Variants in ALOX15 observed in about 807,000 individuals in gnomAD.
ALOX15 encodes arachidonate 15-lipoxygenase.
A neutral mutation model predicts 71.7 loss-of-function variants in ALOX15; 68 were observed. The observed-to-expected ratio is 0.95, with a 90% CI of 0.78 to 1.16. The LOEUF (loss-of-function observed/expected upper bound fraction) is 1.16, where lower values mean the gene tolerates loss of function less well. Ranked by LOEUF, ALOX15 falls within the 50% of genes most tolerant of loss-of-function variation. The pLI, the probability that ALOX15 is intolerant of heterozygous loss-of-function variation, is 0.00. For missense variants in ALOX15, 798 were observed against 818.8 expected, an observed-to-expected ratio of 0.97 and a Z score of 0.31; for synonymous variants, 346 against 333.3, an observed-to-expected ratio of 1.04 and a Z score of -0.42.
chr17:4,632,995 G>C lies in ALOX15; in HGVS notation c.1419-13C>G. On this transcript the variant is annotated splice_polypyrimidine_tract_variant and intron_variant, in intron 10 of 13. Transcript: ENST00000293761. ...TCCTTCCACATACCTACCAACCAAC[G>C]GAGCAGGGCCAGGGAGCTGAAGCCA... The C allele has an allele frequency of 6.2e-7, 1 of 1,614,024 alleles. No individual in the cohort carries two copies.
At chr17:4,632,433 G>A in intron 11 of ALOX15, 152 bp from the exon 12 acceptor site, 2 of 696,650 alleles carry the variant, frequency 2.9e-6, no homozygotes, top group Non-Finnish European at 4.9e-6. Context: ...GGTTGGGGTG[G>A]GGGAGTGGGG....
At chr17:4,641,496 G>A in intron 1 of ALOX15, 21 bp downstream of exon 1, 2 of 1,604,876 alleles carry the variant, frequency 1.2e-6, no homozygotes, top group South Asian at 2.2e-5. Flanking sequence ...AGCCCACCCC[G>A]CCCGGCTCTG....
At position 4,631,984 on chromosome 17, in the gene ALOX15, T is replaced by C; in HGVS notation, c.1714A>G (p.Thr572Ala). 1.2e-6 allele frequency: 2 copies of C among 1,614,088 alleles called. No homozygotes were observed. The highest frequency in any genetic ancestry group is 1.3e-5 in the African/African-American group (1 of 75,072). ...AGTGTCGCCATCACTGTCTCCAGCGTTGCATCCTTGGTGGTTGGCGGGGGC... is the reference window on the plus strand; with the variant it reads ...AGTGTCGCCATCACTGTCTCCAGCGCTGCATCCTTGGTGGTTGGCGGGGGC... ...RLPPPTTKDA[T>A]LETVMATLPN... Residue 572 changes from threonine to alanine, a missense_variant, in exon 13 of 14, where the codon ACG (threonine) becomes GCG (alanine). Physicochemically the swap from Thr to Ala is moderately conservative, Grantham distance 58. Around this residue, in one of 3 missense-constraint regions of ALOX15, gnomAD observed 490 missense variants for 509.4 expected, o/e 0.96. Coordinates refer to ENST00000293761, the MANE Select transcript of ALOX15 (RefSeq NM_001140.5).
chr17:4,637,409 T>C (rs1256116811), intron 6 of ALOX15, 151 bp from the exon 7 acceptor site: 24 of 504,994 alleles, frequency 4.8e-5, no homozygotes, highest in Middle Eastern at 7.4e-4. Context: ...CCTCATATCA[T>C]TTTTTTTTTT....
chr17:4,635,488 T>A (rs1482760764), intron 8 of ALOX15, among the ~76,000 whole-genome samples: 3 of 152,064 alleles, frequency 2.0e-5, no homozygotes, highest in Non-Finnish European at 4.4e-5. Flanking sequence ...TTTCACGGGT[T>A]CCTCTTGTTG....
Position 4,641,581 on chromosome 17 carries a change from A to G in ALOX15, c.71T>C (p.Leu24Pro). The change falls in exon 1 of 14, where the codon CTG becomes CCG. Residue 24 changes from leucine (L) to proline (P), a missense_variant. By Grantham distance (98) the Leu-to-Pro change is moderately conservative. Transcript: ENST00000293761. ...CTCCCCGTGCTGGCCGACCAGCCAC[A>G]GCTGCACCTGGTTGTTGGAACCGGC... is the stretch of plus-strand genomic sequence containing the variant. ...LYAGSNNQVQ[L>P]WLVGQHGEAA... The G allele has an allele frequency of 6.2e-7, 1 of 1,613,822 alleles. No homozygotes were observed. The highest frequency in any genetic ancestry group is 8.5e-7 in the Non-Finnish European group (1 of 1,180,030).
At position 4,633,165 on chromosome 17, in the gene ALOX15, G is replaced by A. The variant is rs765538077; in HGVS notation, c.1399C>T (p.Leu467Phe). 1.9e-5 allele frequency: 30 copies of A among 1,613,936 alleles called. No homozygotes were observed. The highest frequency in any genetic ancestry group is 2.5e-5 in the Non-Finnish European group (29 of 1,179,992). Residue 467 changes from leucine (L) to phenylalanine (F), a missense_variant, in exon 10 of 14, where the codon CTC (leucine) becomes TTC (phenylalanine). Physicochemically the swap from Leu to Phe is conservative, Grantham distance 22. Around this residue, in one of 3 missense-constraint regions of ALOX15, gnomAD observed 490 missense variants for 509.4 expected, o/e 0.96. Coordinates refer to ENST00000293761, the MANE Select transcript of ALOX15 (RefSeq NM_001140.5). ...CCTCACCGATAGATGATTTCCCAGA[G>A]CCGCAGCGCATCTTGGGCATAGAAG... ...SSFYAQDALR[L>F]WEIIYRYVEG...
In ALOX15 at chr17:4,637,229, G is replaced by T. The variant is rs112340214; in HGVS notation, c.837C>A (p.Ser279=). The part of the protein sequence containing the change: ...EGGTLFEADF[S]LLDGIKANVI... ...CGTTGGCCTTGATCCCATCCAGCAG[G>T]GAGAAGTCAGCTTCGAACAGTGTGC... The change falls in exon 7 of 14, where the codon TCC becomes TCA. Residue 279 remains serine (S), a synonymous_variant. Coordinates refer to ENST00000293761, the MANE Select transcript of ALOX15 (RefSeq NM_001140.5). The T allele has an allele frequency of 5.0e-6, 8 of 1,613,448 alleles. No individual in the cohort carries two copies. In the South Asian group the frequency reaches 8.8e-5, roughly 18 times the overall value.
At chr17:4,637,573 A>G (rs1303449345) in intron 6 of ALOX15, among the ~76,000 whole-genome samples, 1 of 152,000 alleles carries the variant, frequency 6.6e-6, no homozygotes, top group African/African-American at 2.4e-5. Flanking sequence ...CAAAGATTAC[A>G]GGTGATAATT....
In ALOX15 at chr17:4,638,610, A is replaced by C; in HGVS notation, c.617T>G (p.Ile206Ser). The stretch of plus-strand genomic sequence containing the variant: ...CAGCTTGCTCTGACCACACCAGAAA[A>C]TCCGGTTGAAGTCATCTAGATCCTT... The part of the protein sequence containing the change: ...CWKDLDDFNR[I>S]FWCGQSKLAE... Residue 206 changes from isoleucine (I) to serine (S), a missense_variant, in exon 5 of 14, where the codon ATT becomes AGT. Ile to Ser is a moderately radical substitution (Grantham distance 142). This residue lies in a region of ALOX15 where 300 missense variants were observed against 283.1 expected (regional missense o/e 1.06). Transcript: ENST00000293761. The C allele has an allele frequency of 6.2e-7, 1 of 1,614,114 alleles. No homozygotes were observed. Among genetic ancestry groups the C allele is most frequent in the African/African-American group, 1.3e-5 (1 of 75,038 alleles).
intron 4 of ALOX15, 53 bp downstream of exon 4, chr17:4,638,797 G>C: frequency 1.2e-6 from 2 of 1,613,346 alleles, no homozygotes; most frequent in Admixed American, 1.7e-5. Flanking sequence ...AAGCCCCTTG[G>C]CTTCCACTAG....
intron 8 of ALOX15, among the ~76,000 whole-genome samples, chr17:4,633,957 A>G (rs1911004912): frequency 6.6e-6 from 1 of 152,194 alleles, no homozygotes; most frequent in South Asian, 2.1e-4. Flanking sequence ...GTATGTTCTT[A>G]CTTATAAGTG....
intron 8 of ALOX15, 149 bp from the exon 9 acceptor site, chr17:4,633,649 A>G (rs1234764110): frequency 9.3e-6 from 6 of 642,024 alleles, no homozygotes; most frequent in Non-Finnish European, 1.6e-5. Flanking sequence ...AGTTTTCAGA[A>G]GTACCATTCA....
At chr17:4,632,152 AT>A in intron 12 of ALOX15, 28 bp downstream of exon 12, 15 of 1,613,840 alleles carry the variant, frequency 9.3e-6, no homozygotes, top group Non-Finnish European at 1.1e-5. Context: ...CAGGCCCCAA[AT>A]TCCCAGCTGC....
chr17:4,635,817 G>T lies in ALOX15; in HGVS notation c.1103C>A (p.Ala368Asp). Residue 368 changes from alanine to aspartate, a missense_variant, in exon 8 of 14, where the codon GCT becomes GAT. By Grantham distance (126) the Ala-to-Asp change is moderately radical. Transcript: ENST00000293761. The part of the protein sequence containing the change: ...QSHLLRGHLM[A>D]EVIVVATMRC... ...CATGGTGGCCACAACAATGACCTCA[G>T]CCATCAAGTGTCCCCTCAGAAGATG... The T allele has an allele frequency of 6.2e-7, 1 of 1,614,256 alleles. No homozygotes were observed. The highest frequency in any genetic ancestry group is 8.5e-7 in the Non-Finnish European group (1 of 1,180,050).
intron 2 of ALOX15, 73 bp downstream of exon 2, chr17:4,639,357 T>C: frequency 8.9e-6 from 14 of 1,571,322 alleles, no homozygotes; most frequent in Non-Finnish European, 1.2e-5. Context: ...CTGCGCCCTC[T>C]TCTCCACACG....
In ALOX15 at chr17:4,632,231, T is replaced by TG; in HGVS notation, c.1590dup (p.Met531HisfsTer26). 2 of 1,614,100 alleles carry TG rather than the reference T, an allele frequency of 1.2e-6. No individual in the cohort carries two copies. The highest frequency in any genetic ancestry group is 8.5e-7 in the Non-Finnish European group (1 of 1,180,032). ...TGGCCGGTGCAGGTGAAGATACACA[T>TG]GGTGACAAAGTGGCAAACCTGGTCC... is the stretch of plus-strand genomic sequence containing the variant. On this transcript the variant is annotated frameshift_variant, in exon 12 of 14. Coordinates refer to ENST00000293761, the MANE Select transcript of ALOX15 (RefSeq NM_001140.5). LOFTEE classifies it high-confidence loss of function.
rs201278134 is a variant in ALOX15 at position 4,631,999 on chromosome 17, T to C, written c.1699A>G (p.Thr567Ala). 3.7e-5 allele frequency: 60 copies of C among 1,613,982 alleles called. No homozygotes were observed. The East Asian group carries it at 1.2e-3, about 34-fold the overall frequency. ...APCTMRLPPPTTKDATLETVM... is the reference protein window; with the variant it reads ...APCTMRLPPPATKDATLETVM... ...GTCTCCAGCGTTGCATCCTTGGTGG[T>C]TGGCGGGGGCAGCCGCATCGTGCAG... Residue 567 changes from threonine to alanine, a missense_variant, in exon 13 of 14, where the codon ACC (threonine) becomes GCC (alanine). By Grantham distance (58) the Thr-to-Ala change is moderately conservative. Coordinates refer to ENST00000293761, the MANE Select transcript of ALOX15 (RefSeq NM_001140.5).
chr17:4,635,979 G>C lies in ALOX15; in HGVS notation c.952-11C>G. ...GCGGGGCAGCTGGAGCTGGAGCAGG[G>C]ACAAGTGTGGGGAGAGAAGGCATGA... On this transcript the variant is annotated splice_polypyrimidine_tract_variant and intron_variant, in intron 7 of 13. Coordinates refer to ENST00000293761, the MANE Select transcript of ALOX15 (RefSeq NM_001140.5). The C allele has an allele frequency of 6.2e-7, 1 of 1,612,820 alleles. No individual in the cohort carries two copies. The highest frequency in any genetic ancestry group is 8.5e-7 in the Non-Finnish European group (1 of 1,179,776).
Sources: allele counts gnomAD v4.1 joint callset (sites outside exome capture counted in the v4.1 genomes callset), GRCh38; gene constraint gnomAD v4.1.1; regional missense constraint gnomAD v4.1.1; transcripts MANE v1.5; gene names NCBI Gene and HGNC (gene_info 2026-07-23, HGNC 2026-07-21).